RGS6: variants seen among roughly 807,000 people sequenced by gnomAD.
RGS6 encodes regulator of G protein signaling 6.
Under a neutral mutation model 78.5 loss-of-function variants are expected in RGS6, and 30 were observed. The observed-to-expected ratio is 0.38, with a 90% CI of 0.29 to 0.52. The LOEUF (loss-of-function observed/expected upper bound fraction) is 0.52. Among genes scored for constraint, RGS6 ranks in the 20% least tolerant of loss-of-function variants. RGS6 has a pLI of 0.85. For synonymous variants in RGS6, 206 were observed against 206.0 expected, an observed-to-expected ratio of 1.00 and a Z score of 0.00; for missense variants, 495 against 609.7, an observed-to-expected ratio of 0.81 and a Z score of 1.98.
At chr14:72,301,773 C>T (rs1230302360) in intron 2 of RGS6, among the ~76,000 whole-genome samples, 2 of 152,228 alleles carry the variant, frequency 1.3e-5, no homozygotes, top group South Asian at 2.1e-4. Flanking sequence ...AGCATCTCTC[C>T]CACCTCTGCC....
chr14:72,084,737 AT>A lies in RGS6; in HGVS notation c.84+119874del, dbSNP rs113187205. On this transcript the variant is annotated intron_variant, in intron 2 of 17. Transcript: ENST00000553525. ...ATGTCTGGTCAAAGCTCATTCATTG[AT>A]TTTTTTTTTTTCCTGCTGAAACTTG... 6.9e-3 allele frequency among the ~76,000 whole-genome samples: 1,019 copies of A among 147,550 alleles called. 6 individuals carry two copies. The highest frequency in any genetic ancestry group is 0.033 in the East Asian group (169 of 5,046).
rs563422152 is a variant in RGS6 at position 72,304,743 on chromosome 14, G to A, written c.85-47352G>A. Among the ~76,000 whole-genome samples, 17 of 152,178 alleles carry A rather than the reference G, an allele frequency of 1.1e-4. No individual in the cohort carries two copies. In the South Asian group the frequency reaches 2.1e-3, roughly 19 times the overall value. On this transcript the variant is annotated intron_variant, in intron 2 of 17. Transcript: ENST00000553525. Reference sequence around the variant, plus strand: ...AAAATACAAAAATTAGCTGGGCGTGGTGGCATGTGTCTGTGGTCCCAGGCT... The same window carrying A: ...AAAATACAAAAATTAGCTGGGCGTGATGGCATGTGTCTGTGGTCCCAGGCT...
the RGS6 span, among the ~76,000 whole-genome samples, chr14:72,573,760 G>C: frequency 6.6e-6 from 1 of 152,080 alleles, no homozygotes; most frequent in Non-Finnish European, 1.5e-5. Context: ...CCCTCACAAA[G>C]CTGTTCTGCA....
chr14:72,440,499 G>A (rs1274739687), intron 3 of RGS6, among the ~76,000 whole-genome samples: 2 of 148,952 alleles, frequency 1.3e-5, no homozygotes, highest in East Asian at 4.0e-4. Context: ...ACTGCAGTCT[G>A]CCTCCCGGGT....
intron 12 of RGS6, among the ~76,000 whole-genome samples, chr14:72,491,664 A>G (rs1490711730): frequency 6.6e-6 from 1 of 152,230 alleles, no homozygotes; most frequent in Non-Finnish European, 1.5e-5. Flanking sequence ...ATTTTTATAC[A>G]TTTCTGTATG....
chr14:72,172,727 A>G (rs777875435), intron 2 of RGS6, among the ~76,000 whole-genome samples: 26 of 152,296 alleles, frequency 1.7e-4, no homozygotes, highest in Non-Finnish European at 3.4e-4. Context: ...TTGAGTGCCA[A>G]TTGTGTGCCA....
chr14:71,973,055 T>C (rs2093908251), intron 2 of RGS6, among the ~76,000 whole-genome samples: 2 of 152,170 alleles, frequency 1.3e-5, no homozygotes, highest in Admixed American at 1.3e-4. Context: ...GCTGCCCCAC[T>C]CCACTAGCTC....
intron 2 of RGS6, among the ~76,000 whole-genome samples, chr14:72,206,461 C>G (rs1159415946): frequency 6.6e-6 from 1 of 151,960 alleles, no homozygotes; most frequent in Non-Finnish European, 1.5e-5. Context: ...TGTGTGTATG[C>G]ACAATATTGT....
chr14:71,981,866 T>C (rs10137793), intron 2 of RGS6, among the ~76,000 whole-genome samples: 50,867 of 129,414 alleles, frequency 0.39, 9,581 homozygotes, highest in East Asian at 0.48. Context: ...TGGGCAATGG[T>C]GGGCACCCCT....
chr14:72,503,278 A>G (rs1330449221), intron 13 of RGS6, among the ~76,000 whole-genome samples: 1 of 152,242 alleles, frequency 6.6e-6, no homozygotes, highest in East Asian at 1.9e-4. Context: ...GAAGGGGAAC[A>G]CAGACATTCA....
chr14:72,034,550 G>A (rs2091404788), intron 2 of RGS6, among the ~76,000 whole-genome samples: 1 of 152,016 alleles, frequency 6.6e-6, no homozygotes, highest in South Asian at 2.1e-4. Flanking sequence ...TTACTTTAAT[G>A]TGCTATTGAA....
At chr14:71,885,409 C>A in the RGS6 span, among the ~76,000 whole-genome samples, 3 of 152,200 alleles carry the variant, frequency 2.0e-5, no homozygotes, top group Non-Finnish European at 4.4e-5. Flanking sequence ...CTGAGCTGGG[C>A]AGTATTACAG....
At chr14:72,306,129 C>T (rs569162507) in intron 2 of RGS6, among the ~76,000 whole-genome samples, 15 of 152,266 alleles carry the variant, frequency 9.9e-5, no homozygotes, top group East Asian at 1.9e-4. Flanking sequence ...CTAAGAATGA[C>T]GCTAAATCTA....
At chr14:72,064,572 G>A (rs962332844) in intron 2 of RGS6, among the ~76,000 whole-genome samples, 5 of 152,242 alleles carry the variant, frequency 3.3e-5, no homozygotes, top group Non-Finnish European at 7.3e-5. Flanking sequence ...AGACGTGTGA[G>A]AAGTGAATAC....
Position 72,522,439 on chromosome 14 carries a change from G to C in RGS6, c.1278+3902G>C, listed in dbSNP as rs1009668755. Among the ~76,000 whole-genome samples, 5 of 152,278 alleles carry C rather than the reference G, an allele frequency of 3.3e-5. No homozygotes were observed. The South Asian group carries it at 1.0e-3, about 32-fold the overall frequency. On this transcript the variant is annotated intron_variant, in intron 15 of 17. Coordinates refer to ENST00000553525, the MANE Select transcript of RGS6 (RefSeq NM_001204424.2). The stretch of plus-strand genomic sequence containing the variant: ...TGCAAATAGCGTGATCCTGTAACCT[G>C]CCTTTTACCTAAAACAGGGGTCAGT...
At chr14:72,390,478 G>A (rs1179752959) in intron 3 of RGS6, among the ~76,000 whole-genome samples, 1 of 151,990 alleles carries the variant, frequency 6.6e-6, no homozygotes, top group Non-Finnish European at 1.5e-5. Flanking sequence ...TTATAGATGG[G>A]ACAAAAAGAT....
At chr14:72,409,155 T>C (rs1281292677) in intron 3 of RGS6, among the ~76,000 whole-genome samples, 1 of 152,196 alleles carries the variant, frequency 6.6e-6, no homozygotes, top group African/African-American at 2.4e-5. Context: ...ATGGAACCTG[T>C]AAGTTAGTCT....
At chr14:71,987,304 A>G (rs1372469546) in intron 2 of RGS6, among the ~76,000 whole-genome samples, 2 of 152,142 alleles carry the variant, frequency 1.3e-5, no homozygotes, top group Non-Finnish European at 2.9e-5. Context: ...GGAGGGCAGA[A>G]AAGAGGAGAG....
chr14:72,078,834 G>A (rs2094699501), intron 2 of RGS6, among the ~76,000 whole-genome samples: 1 of 151,934 alleles, frequency 6.6e-6, no homozygotes, highest in Admixed American at 6.6e-5. Flanking sequence ...ACCCATCACG[G>A]TTTTAGCTTA....
Sources: allele counts gnomAD v4.1 joint callset (sites outside exome capture counted in the v4.1 genomes callset), GRCh38; gene constraint gnomAD v4.1.1; transcripts MANE v1.5; gene names NCBI Gene and HGNC (gene_info 2026-07-23, HGNC 2026-07-21).